Variants in CDK20 observed in about 807,000 individuals in gnomAD.
The protein encoded by CDK20 is cyclin-dependent kinase 20.
CDK20 carries 40 observed loss-of-function variants against 38.6 expected under a neutral mutation model. That is an observed-to-expected ratio of 1.04 (90% CI 0.81 to 1.35). The LOEUF is 1.35. Among genes scored for constraint, CDK20 ranks in the 40% most tolerant of loss-of-function variants. The pLI, the probability that CDK20 is intolerant of heterozygous loss-of-function variation, is 0.00. For missense variants in CDK20, 512 were observed against 452.6 expected (o/e 1.13, Z -1.19); for synonymous variants, 209 against 185.7 (o/e 1.13, Z -1.02).
Position 87,973,902 on chromosome 9 carries a change from G to T in CDK20, c.189+20C>A. 5.0e-6 allele frequency: 8 copies of T among 1,604,304 alleles called. No homozygotes were observed. Among genetic ancestry groups the T allele is most frequent in the Non-Finnish European group, 6.8e-6 (8 of 1,172,912 alleles). ...GAGCGACTGAGGGTGAGAATACCATGCCCCCCCTCCCCTACTCACATACTG... is the reference window on the plus strand; with the variant it reads ...GAGCGACTGAGGGTGAGAATACCATTCCCCCCCTCCCCTACTCACATACTG... On this transcript the variant is annotated intron_variant, in intron 2 of 7. Coordinates refer to ENST00000325303, the MANE Select transcript of CDK20 (RefSeq NM_001039803.3).
rs1564157985 is a variant in CDK20 at position 87,971,127 on chromosome 9, C to CG, written c.378+19dup. The stretch of plus-strand genomic sequence containing the variant: ...AAGTCAGCTCCCCAGACCCCATGCC[C>CG]GGCCTATGCTGAGACTGACCCGATG... On this transcript the variant is annotated intron_variant, in intron 3 of 7. Coordinates refer to ENST00000325303, the MANE Select transcript of CDK20 (RefSeq NM_001039803.3). 3 of 1,608,346 alleles carry CG rather than the reference C, an allele frequency of 1.9e-6. No homozygotes were observed. The South Asian group carries it at 3.3e-5, about 18-fold the overall frequency.
chr9:87,968,312 G>A (rs892892577), intron 7 of CDK20: 2 of 152,442 alleles, frequency 1.3e-5, no homozygotes, highest in Non-Finnish European at 2.9e-5. Flanking sequence ...AATGGGATGA[G>A]GGGAGACCCA....
Position 87,974,355 on chromosome 9 carries a change from C to T in CDK20, c.75+17G>A. On this transcript the variant is annotated intron_variant, in intron 1 of 7. Coordinates refer to ENST00000325303, the MANE Select transcript of CDK20 (RefSeq NM_001039803.3). ...GGGCACACCCCCGCCAGGCTGCCGG[C>T]CGCGGTCCAGCCTCACCTCCACGTG... 6.2e-7 allele frequency: 1 copy of T among 1,609,370 alleles called. No individual in the cohort carries two copies.
intron 1 of CDK20, 119 bp from the exon 2 acceptor site, chr9:87,974,154 C>T: frequency 7.2e-6 from 11 of 1,531,712 alleles, no homozygotes; most frequent in Non-Finnish European, 9.7e-6. Context: ...CAGAGGCCCT[C>T]CTCGGGGGTC....
rs769932384 is a variant in CDK20 at position 87,971,335 on chromosome 9, C to G, written c.190G>C (p.Val64Leu). The G allele has an allele frequency of 1.9e-6, 3 of 1,610,244 alleles. No homozygotes were observed. The highest frequency in any genetic ancestry group is 3.4e-5 in the Admixed American group (2 of 59,490). The change falls in exon 3 of 8, where the codon GTG becomes CTG. Residue 64 changes from valine (V) to leucine (L), a missense_variant and splice_region_variant. Transcript: ENST00000325303. ...ALQEMEDNQYVVQLKAVFPHG... is the reference protein window; with the variant it reads ...ALQEMEDNQYLVQLKAVFPHG... ...GGGAACACAGCCTTCAGTTGTACCACCTGTGGGCAGGACATCTTGTTAGCC... is the reference window on the plus strand; with the variant it reads ...GGGAACACAGCCTTCAGTTGTACCAGCTGTGGGCAGGACATCTTGTTAGCC...
intron 6 of CDK20, 21 bp from the exon 7 acceptor site, chr9:87,969,370 A>G: frequency 1.2e-6 from 2 of 1,612,886 alleles, no homozygotes; most frequent in Non-Finnish European, 1.7e-6. Flanking sequence ...GAGAAGGAAC[A>G]GGGTACAATG....
intron 1 of CDK20, 146 bp downstream of exon 1, chr9:87,974,226 C>T: frequency 8.2e-7 from 1 of 1,217,458 alleles, no homozygotes. Flanking sequence ...CGGAGGGAAG[C>T]GCAACGGCCC....
In CDK20 at chr9:87,970,674, G is replaced by C. The variant is rs148315945; in HGVS notation, c.501-44C>G. 2.5e-6 allele frequency: 4 copies of C among 1,613,452 alleles called. No individual in the cohort carries two copies. In the South Asian group the frequency reaches 4.4e-5, roughly 18 times the overall value. ...GCAGGCACTGGGCTGAGAAAAGGAT[G>C]CCTGGGGAGGTGACCCCAGCCCCAC... On this transcript the variant is annotated intron_variant, in intron 4 of 7. Coordinates refer to ENST00000325303, the MANE Select transcript of CDK20 (RefSeq NM_001039803.3).
intron 2 of CDK20, among the ~76,000 whole-genome samples, chr9:87,972,311 G>A (rs543936071): frequency 6.6e-6 from 1 of 152,300 alleles, no homozygotes; most frequent in East Asian, 1.9e-4. Context: ...TGAGGACCCA[G>A]TTTGTGGGGA....
chr9:87,974,339 C>G, intron 1 of CDK20, 33 bp downstream of exon 1: 12 of 1,604,792 alleles, frequency 7.5e-6, no homozygotes, highest in African/African-American at 1.3e-5. Context: ...GGGGCACACC[C>G]CCGCCAGGCT....
chr9:87,969,652 C>T (rs1829709224), intron 6 of CDK20, 144 bp downstream of exon 6: 1 of 1,326,178 alleles, frequency 7.5e-7, no homozygotes, highest in South Asian at 1.4e-5. Flanking sequence ...GGAGGAAGCC[C>T]TGAGTTGGGC....
chr9:87,968,917 T>C, intron 7 of CDK20: 1 of 456,546 alleles, frequency 2.2e-6, no homozygotes. Flanking sequence ...CCCAGAAACC[T>C]GCACTCCCGG....
chr9:87,974,330 GGGCACACCCCCGCC>G (rs1193184694), intron 1 of CDK20, 28 bp downstream of exon 1: 1 of 1,589,862 alleles, frequency 6.3e-7, no homozygotes, highest in Non-Finnish European at 8.6e-7. Context: ...AGGGTGGCGG[GGGCACACCCCCGCC>G]AGGCTGCCGG....
intron 2 of CDK20, among the ~76,000 whole-genome samples, chr9:87,973,259 A>G (rs908761771): frequency 6.6e-6 from 1 of 152,166 alleles, no homozygotes; most frequent in African/African-American, 2.4e-5. Context: ...TTCGTGTTCC[A>G]GCAGCCCCTC....
chr9:87,971,945 C>T (rs28364947), intron 2 of CDK20, among the ~76,000 whole-genome samples: 8,048 of 152,284 alleles, frequency 0.053, 341 homozygotes, highest in South Asian at 0.2. Flanking sequence ...GTCTCATGCC[C>T]GTAATCCCAG....
At chr9:87,969,733 T>C (rs1829714735) in intron 6 of CDK20, 63 bp downstream of exon 6, 1 of 1,607,318 alleles carries the variant, frequency 6.2e-7, no homozygotes, top group Non-Finnish European at 8.5e-7. Context: ...AGGGAGTGGT[T>C]ACTTGCTGTT....
intron 2 of CDK20, 130 bp downstream of exon 2, chr9:87,973,792 A>AGT: frequency 2.3e-6 from 2 of 888,048 alleles, no homozygotes; most frequent in Non-Finnish European, 3.5e-6. Flanking sequence ...ATGAATGAGC[A>AGT]GTGTGTGTGA....
chr9:87,970,641 G>A lies in CDK20; in HGVS notation c.501-11C>T. ...GGGGCTCGGTACCACCTGCGAGGAA[G>A]AGGGCTGGCAGGCACTGGGCTGAGA... is the stretch of plus-strand genomic sequence containing the variant. On this transcript the variant is annotated splice_polypyrimidine_tract_variant and intron_variant, in intron 4 of 7. Coordinates refer to ENST00000325303, the MANE Select transcript of CDK20 (RefSeq NM_001039803.3). 3.1e-6 allele frequency: 5 copies of A among 1,614,054 alleles called. No individual in the cohort carries two copies. Among genetic ancestry groups the A allele is most frequent in the Non-Finnish European group, 4.2e-6 (5 of 1,179,992 alleles).
chr9:87,974,198 G>C, intron 1 of CDK20, 163 bp from the exon 2 acceptor site: 7 of 1,334,762 alleles, frequency 5.2e-6, no homozygotes, highest in Non-Finnish European at 7.2e-6. Flanking sequence ...GCTGGGGTAG[G>C]GGACCAAGCC....
Sources: gnomAD v4.1 joint callset for allele counts (sites outside exome capture counted in the v4.1 genomes callset) on GRCh38, gnomAD v4.1.1 for gene constraint, MANE v1.5 for transcripts, NCBI Gene and HGNC (gene_info 2026-07-23, HGNC 2026-07-21) for gene names.